SSH2: variants seen among roughly 807,000 people sequenced by gnomAD.
The protein encoded by SSH2 is protein phosphatase Slingshot homolog 2.
In SSH2, 37 loss-of-function variants were observed where a neutral mutation model predicts 135.2. That is an observed-to-expected ratio of 0.27 (90% CI 0.21 to 0.36). The LOEUF (loss-of-function observed/expected upper bound fraction) is 0.36, where lower values mean the gene tolerates loss of function less well. Among genes scored for constraint, SSH2 ranks in the 10% least tolerant of loss-of-function variants. The pLI is 1.00. For missense variants in SSH2, 1,408 were observed against 1,765.3 expected (o/e 0.80, Z 3.63); for synonymous variants, 628 against 646.2 (o/e 0.97, Z 0.43).
At chr17:29,836,359 T>C (rs1207311242) in intron 2 of SSH2, among the ~76,000 whole-genome samples, 1 of 152,216 alleles carries the variant, frequency 6.6e-6, no homozygotes, top group Non-Finnish European at 1.5e-5. Context: ...TGAATATTTA[T>C]GTTTTTTATT....
intron 3 of SSH2, among the ~76,000 whole-genome samples, chr17:29,759,458 T>G (rs1490687723): frequency 1.3e-5 from 2 of 152,204 alleles, no homozygotes; most frequent in Non-Finnish European, 1.5e-5. Context: ...ATTTTAAGTG[T>G]ACAGTTCTAG....
intron 3 of SSH2, among the ~76,000 whole-genome samples, chr17:29,724,554 C>G (rs1472740560): frequency 2.4e-5 from 3 of 126,366 alleles, no homozygotes; most frequent in African/African-American, 5.6e-5. Flanking sequence ...AAACAAAACC[C>G]TATTCTAAGG....
intron 2 of SSH2, among the ~76,000 whole-genome samples, chr17:29,808,653 T>G (rs1225556388): frequency 2.0e-5 from 3 of 152,192 alleles, no homozygotes; most frequent in Admixed American, 2.0e-4. Context: ...GGACCATAAT[T>G]TCAATCTAGA....
chr17:29,725,050 T>C (rs940068394), intron 3 of SSH2, among the ~76,000 whole-genome samples: 3 of 151,616 alleles, frequency 2.0e-5, no homozygotes. Context: ...TGAACTTTTA[T>C]AAAAGCCAGG....
chr17:29,703,395 G>A (rs927075512), intron 3 of SSH2, among the ~76,000 whole-genome samples: 1 of 151,332 alleles, frequency 6.6e-6, no homozygotes, highest in Non-Finnish European at 1.5e-5. Flanking sequence ...GATTACCGGC[G>A]CCCGCCACCA....
At chr17:29,918,205 C>T (rs769479945) in intron 1 of SSH2, among the ~76,000 whole-genome samples, 13 of 152,038 alleles carry the variant, frequency 8.6e-5, no homozygotes, top group Non-Finnish European at 1.3e-4. Context: ...ATCAATCAAT[C>T]AAACAGTACT....
intron 3 of SSH2, among the ~76,000 whole-genome samples, chr17:29,706,875 C>T (rs956771201): frequency 4.6e-5 from 7 of 152,036 alleles, no homozygotes; most frequent in Non-Finnish European, 8.8e-5. Context: ...ACTTCCTGGC[C>T]GGGCGCAGTG....
intron 3 of SSH2, among the ~76,000 whole-genome samples, chr17:29,761,883 A>ATTTTT (rs1345354010): frequency 5.4e-5 from 7 of 129,144 alleles, no homozygotes; most frequent in African/African-American, 1.8e-4. Flanking sequence ...ATATATATAT[A>ATTTTT]TATATTTTTT....
chr17:29,763,078 A>G (rs533056995), intron 3 of SSH2, among the ~76,000 whole-genome samples: 5 of 152,370 alleles, frequency 3.3e-5, no homozygotes, highest in Admixed American at 2.0e-4. Context: ...TCAAGATACT[A>G]GTAATGAAAT....
intron 3 of SSH2, among the ~76,000 whole-genome samples, chr17:29,738,435 A>G (rs1421563664): frequency 6.6e-6 from 1 of 152,186 alleles, no homozygotes; most frequent in African/African-American, 2.4e-5. Context: ...TCCTTTGGGT[A>G]TATACCCAGT....
rs1386678378 is a variant in SSH2 at position 29,793,883 on chromosome 17, A to G, written c.188+11T>C. Reference sequence around the variant, plus strand: ...AACAAAAATGCCGTAGGATATAATGAACAAACATACCTCCTGGGCTGTGAC... The same window carrying G: ...AACAAAAATGCCGTAGGATATAATGGACAAACATACCTCCTGGGCTGTGAC... On this transcript the variant is annotated intron_variant, in intron 3 of 15. Coordinates refer to ENST00000540801, the MANE Select transcript of SSH2 (RefSeq NM_001282129.2). The G allele has an allele frequency of 3.1e-6, 5 of 1,611,438 alleles. No individual in the cohort carries two copies. Among genetic ancestry groups the G allele is most frequent in the Non-Finnish European group, 4.2e-6 (5 of 1,177,738 alleles).
intron 1 of SSH2, 74 bp downstream of exon 1, chr17:29,929,864 T>C: frequency 2.8e-6 from 4 of 1,423,894 alleles, no homozygotes; most frequent in Non-Finnish European, 3.8e-6. Context: ...GCAGTGGCGT[T>C]CGGCGGGACC....
intron 1 of SSH2, among the ~76,000 whole-genome samples, chr17:29,899,328 G>A (rs1490666750): frequency 6.6e-6 from 1 of 152,168 alleles, no homozygotes; most frequent in Non-Finnish European, 1.5e-5. Context: ...AGGAAAAGAG[G>A]AAGTCAAATT....
At chr17:29,739,150 C>T (rs961203591) in intron 3 of SSH2, among the ~76,000 whole-genome samples, 1 of 152,044 alleles carries the variant, frequency 6.6e-6, no homozygotes, top group Admixed American at 6.6e-5. Flanking sequence ...AGAGGATAGA[C>T]TACAACAAGA....
intron 3 of SSH2, among the ~76,000 whole-genome samples, chr17:29,719,266 G>A (rs957876826): frequency 6.6e-6 from 1 of 152,148 alleles, no homozygotes; most frequent in Admixed American, 6.5e-5. Flanking sequence ...TGTTACAATG[G>A]CACGTCCATC....
At position 29,650,820 on chromosome 17, in the gene SSH2, GAA is replaced by G. The variant is rs771783229; in HGVS notation, c.1080-22_1080-21del. 6.3e-7 allele frequency: 1 copy of G among 1,586,126 alleles called. No homozygotes were observed. The highest frequency in any genetic ancestry group is 8.6e-7 in the Non-Finnish European group (1 of 1,164,390). On this transcript the variant is annotated intron_variant, in intron 12 of 15. Coordinates refer to ENST00000540801, the MANE Select transcript of SSH2 (RefSeq NM_001282129.2). ...CGTACCCTGCAAGGAAACCAAGGGA[GAA>G]TATGTGCTCTACTACTCAGGCTAAA...
chr17:29,685,554 G>C (rs939484307), intron 5 of SSH2, among the ~76,000 whole-genome samples: 1 of 152,162 alleles, frequency 6.6e-6, no homozygotes, highest in Non-Finnish European at 1.5e-5. Context: ...GGGAGGCCAA[G>C]GTAGGCAGAT....
At chr17:29,858,446 T>C (rs1306947791) in intron 1 of SSH2, among the ~76,000 whole-genome samples, 1 of 152,162 alleles carries the variant, frequency 6.6e-6, no homozygotes, top group Non-Finnish European at 1.5e-5. Context: ...TATCTCAGAA[T>C]GTGGTTGTAT....
chr17:29,686,295 A>C (rs1025433940), intron 5 of SSH2, among the ~76,000 whole-genome samples: 2 of 152,152 alleles, frequency 1.3e-5, no homozygotes, highest in African/African-American at 4.8e-5. Flanking sequence ...GACATGATCT[A>C]TGCCCTCATC....
Sources: gnomAD v4.1 joint callset for allele counts (sites outside exome capture counted in the v4.1 genomes callset) on GRCh38, gnomAD v4.1.1 for gene constraint, MANE v1.5 for transcripts, NCBI Gene and HGNC (gene_info 2026-07-23, HGNC 2026-07-21) for gene names.